Variants in HTR4 observed in about 807,000 individuals in gnomAD.
The protein encoded by HTR4 is 5-hydroxytryptamine (serotonin) receptor 4, G protein-coupled.
Under a neutral mutation model 36.8 loss-of-function variants are expected in HTR4, and 16 were observed. The observed-to-expected ratio is 0.43, with a 90% confidence interval of 0.29 to 0.66. The LOEUF is 0.66. Ranked by LOEUF, HTR4 falls within the 30% of genes least tolerant of loss-of-function variation. The probability of loss-of-function intolerance (pLI) is 0.13; values close to 1 mark genes in which losing one functional copy is unlikely to be tolerated. For synonymous variants in HTR4, 189 were observed against 185.1 expected (o/e 1.02, Z -0.17); for missense variants, 438 against 490.9 (o/e 0.89, Z 1.02).
chr5:148,473,618 T>G (rs1369525712), downstream of HTR4, among the ~76,000 whole-genome samples: 1 of 152,214 alleles, frequency 6.6e-6, no homozygotes, highest in African/African-American at 2.4e-5. Context: ...CCTATTAACA[T>G]AATCACTATC....
At chr5:148,463,344 G>A (rs28888141) in intron 5 of HTR4, among the ~76,000 whole-genome samples, 3 of 147,164 alleles carry the variant, frequency 2.0e-5, no homozygotes, top group African/African-American at 7.5e-5. Flanking sequence ...AGCTATTTTT[G>A]TTTTTTTTTG....
chr5:148,640,174 G>C (rs930542569), intron 1 of HTR4, among the ~76,000 whole-genome samples: 1 of 152,060 alleles, frequency 6.6e-6, no homozygotes, highest in Non-Finnish European at 1.5e-5. Context: ...CTTATTATAC[G>C]TCCTCCCACT....
At chr5:148,546,027 G>A (rs529285546) in intron 4 of HTR4, among the ~76,000 whole-genome samples, 5 of 152,264 alleles carry the variant, frequency 3.3e-5, no homozygotes, top group African/African-American at 1.2e-4. Flanking sequence ...AAATAGACTA[G>A]GATCTCTTTA....
At chr5:148,530,937 T>C (rs1349524862) in intron 4 of HTR4, among the ~76,000 whole-genome samples, 1 of 152,242 alleles carries the variant, frequency 6.6e-6, no homozygotes, top group Non-Finnish European at 1.5e-5. Flanking sequence ...CCACTGTATT[T>C]CAGACTTGCA....
chr5:148,451,176 T>G (rs200342469), exon 6 of HTR4: 10 of 1,613,566 alleles, frequency 6.2e-6, no homozygotes, highest in Non-Finnish European at 3.4e-6. Flanking sequence ...TTGTGAGCCA[T>G]GTCCTCAATC....
intron 4 of HTR4, among the ~76,000 whole-genome samples, chr5:148,524,273 T>G (rs1353319178): frequency 6.6e-6 from 1 of 152,178 alleles, no homozygotes; most frequent in Non-Finnish European, 1.5e-5. Flanking sequence ...TCCTGACCAA[T>G]GAATCATGAA....
intron 4 of HTR4, among the ~76,000 whole-genome samples, chr5:148,524,552 C>T (rs765227543): frequency 4.3e-4 from 65 of 152,160 alleles, no homozygotes; most frequent in Non-Finnish European, 7.4e-4. Context: ...AACTTCTAGA[C>T]CGTTCCTGCA....
At chr5:148,614,986 A>T (rs1268027066) in intron 2 of HTR4, among the ~76,000 whole-genome samples, 1 of 152,178 alleles carries the variant, frequency 6.6e-6, no homozygotes, top group East Asian at 1.9e-4. Flanking sequence ...ATGAGATACC[A>T]TCTCACACCA....
chr5:148,487,828 G>GA (rs1756237281), intron 6 of HTR4, among the ~76,000 whole-genome samples: 1 of 152,174 alleles, frequency 6.6e-6, no homozygotes, highest in South Asian at 2.1e-4. Flanking sequence ...GCCAGAGATA[G>GA]AAGTCCCTGC....
rs527285437 is a variant in HTR4 at position 148,563,026 on chromosome 5, G to T, written c.27-12764C>A. Among the ~76,000 whole-genome samples, 14 of 152,198 alleles carry T rather than the reference G, an allele frequency of 9.2e-5. No individual in the cohort carries two copies. In the South Asian group the frequency reaches 2.3e-3, roughly 25 times the overall value. On this transcript the variant is annotated intron_variant, in intron 2 of 6. Transcript: ENST00000377888. ...ATGAGCTTTGAAAAATATTGAGATT[G>T]GAACATATCACTTCCATACTCACTG...
chr5:148,481,373 G>T, downstream of HTR4: 1 of 596,210 alleles, frequency 1.7e-6, no homozygotes, highest in Admixed American at 3.1e-5. Flanking sequence ...GGTTCAATCT[G>T]CTTCATTGAT....
At chr5:148,631,179 G>A (rs1753308138) in intron 2 of HTR4, among the ~76,000 whole-genome samples, 1 of 152,120 alleles carries the variant, frequency 6.6e-6, no homozygotes, top group Non-Finnish European at 1.5e-5. Flanking sequence ...CACAAGATGA[G>A]TCCCAGCTCA....
At chr5:148,577,409 T>G (rs972802576) in intron 2 of HTR4, among the ~76,000 whole-genome samples, 1 of 152,022 alleles carries the variant, frequency 6.6e-6, no homozygotes, top group African/African-American at 2.4e-5. Context: ...AGCAGTATAG[T>G]GATTCCGCAA....
intron 1 of HTR4, among the ~76,000 whole-genome samples, chr5:148,653,521 A>T (rs1163540685): frequency 2.0e-5 from 3 of 152,180 alleles, no homozygotes; most frequent in Admixed American, 6.5e-5. Flanking sequence ...GGCTTTATGC[A>T]GCACATCGTA....
At chr5:148,621,134 T>C (rs1454228258) in intron 2 of HTR4, among the ~76,000 whole-genome samples, 1 of 152,256 alleles carries the variant, frequency 6.6e-6, no homozygotes, top group African/African-American at 2.4e-5. Flanking sequence ...GACTCATTAG[T>C]GCTTGTTAAT....
At chr5:148,585,172 T>C (rs1050254348) in intron 2 of HTR4, among the ~76,000 whole-genome samples, 1 of 152,190 alleles carries the variant, frequency 6.6e-6, no homozygotes, top group African/African-American at 2.4e-5. Context: ...TATAAAATGC[T>C]TAAAATGGCA....
intron 5 of HTR4, among the ~76,000 whole-genome samples, chr5:148,454,731 C>T (rs535494939): frequency 6.6e-6 from 1 of 152,274 alleles, no homozygotes; most frequent in East Asian, 1.9e-4. Flanking sequence ...GCAGGCCAGG[C>T]AAGGCAGGTG....
intron 5 of HTR4, among the ~76,000 whole-genome samples, chr5:148,451,874 C>A (rs1043029852): frequency 6.6e-6 from 1 of 152,180 alleles, no homozygotes; most frequent in Non-Finnish European, 1.5e-5. Flanking sequence ...CACTCAATAT[C>A]TTAATTGCCT....
chr5:148,578,298 T>C (rs1761004765), intron 2 of HTR4, among the ~76,000 whole-genome samples: 1 of 151,988 alleles, frequency 6.6e-6, no homozygotes, highest in Admixed American at 6.6e-5. Context: ...TTGCAATAAA[T>C]TATAAACACT....
Sources: gnomAD v4.1 joint callset for allele counts (sites outside exome capture counted in the v4.1 genomes callset) on GRCh38, gnomAD v4.1.1 for gene constraint, MANE v1.5 for transcripts, NCBI Gene and HGNC (gene_info 2026-07-23, HGNC 2026-07-21) for gene names.